The following ADIPOQ variants were observed in gnomAD, a reference collection of about 807,000 sequenced individuals.
ADIPOQ encodes the protein adiponectin, C1Q and collagen domain containing, also known as adiponectin.
In ADIPOQ, 19 loss-of-function variants were observed where a neutral mutation model predicts 16.1. That is an observed-to-expected ratio of 1.18 (90% CI 0.82 to 1.73). ADIPOQ has a LOEUF of 1.73. Among genes scored for constraint, ADIPOQ ranks in the 40% most tolerant of loss-of-function variants. ADIPOQ has a pLI of 0.00. For synonymous variants in ADIPOQ, 124 were observed against 125.5 expected, an observed-to-expected ratio of 0.99 and a Z score of 0.08; for missense variants, 323 against 308.3, an observed-to-expected ratio of 1.05 and a Z score of -0.36.
intron 1 of ADIPOQ, among the ~76,000 whole-genome samples, chr3:186,843,567 G>A (rs1469074638): frequency 6.6e-6 from 1 of 151,754 alleles, no homozygotes; most frequent in Non-Finnish European, 1.5e-5. Flanking sequence ...GGCTGAGGCA[G>A]GAGAATTGTC....
At chr3:186,845,656 G>A (rs1711558657) in intron 1 of ADIPOQ, 1 of 152,186 alleles carries the variant, frequency 6.6e-6, no homozygotes. Context: ...ACAGGCATGA[G>A]CCACTGCGCC....
chr3:186,847,188 C>T (rs904011040), intron 1 of ADIPOQ, among the ~76,000 whole-genome samples: 20 of 152,222 alleles, frequency 1.3e-4, no homozygotes, highest in African/African-American at 2.7e-4. Flanking sequence ...AACACTGAAA[C>T]GCATTACAGG....
intron 1 of ADIPOQ, among the ~76,000 whole-genome samples, chr3:186,843,594 A>G (rs1711506954): frequency 6.9e-6 from 1 of 145,516 alleles, no homozygotes; most frequent in African/African-American, 2.5e-5. Context: ...TGGGAGGCAG[A>G]GGTTGCAGTG....
At chr3:186,848,701 T>C (rs1175622212) in intron 1 of ADIPOQ, among the ~76,000 whole-genome samples, 1 of 152,238 alleles carries the variant, frequency 6.6e-6, no homozygotes, top group Non-Finnish European at 1.5e-5. Context: ...TCCTGAGACT[T>C]GGAGAGCGCA....
At chr3:186,852,885 G>T in intron 1 of ADIPOQ, 166 bp from the exon 2 acceptor site, 1 of 659,464 alleles carries the variant, frequency 1.5e-6, no homozygotes. Context: ...AAGAGATCAA[G>T]GTGGGCTGCA....
chr3:186,857,900 T>C lies in ADIPOQ; in HGVS notation c.*3196T>C, dbSNP rs201770561. 6.6e-6 allele frequency: 1 copy of C among 151,836 alleles called. No homozygotes were observed. Among genetic ancestry groups the C allele is most frequent in the Non-Finnish European group, 1.5e-5 (1 of 67,920 alleles). 9.4% of individuals were successfully genotyped at this position (151,836 alleles called of 1,614,324 possible). A position where few individuals can be genotyped will look rare whatever the true frequency, so the allele number is the denominator to read the frequency against. On this transcript the variant is annotated 3_prime_UTR_variant, in exon 3 of 3. Transcript: ENST00000320741. ...CATACGCACTCAACTTCCTTTTCTT[T>C]CTTCCTTCCTTTCTTTCTTCCTTCC...
In ADIPOQ at chr3:186,856,857, A is replaced by T. The variant is rs748701813; in HGVS notation, c.*2153A>T. 6.6e-6 allele frequency: 1 copy of T among 152,236 alleles called. No homozygotes were observed. The highest frequency in any genetic ancestry group is 1.5e-5 in the Non-Finnish European group (1 of 68,050). The allele number at this position is 152,236 out of a possible 1,614,324, so 9.4% of individuals were successfully genotyped here. On this transcript the variant is annotated 3_prime_UTR_variant, in exon 3 of 3. Transcript: ENST00000320741. ...ATGCAAACTACTGTAAGCAAGAAAA[A>T]TAAAGGAAAAATGGAAACATTTATT... is the stretch of plus-strand genomic sequence containing the variant.
At chr3:186,851,686 A>G (rs1560108409) in intron 1 of ADIPOQ, among the ~76,000 whole-genome samples, 1 of 149,916 alleles carries the variant, frequency 6.7e-6, no homozygotes, top group Non-Finnish European at 1.5e-5. Context: ...CTCTCTCATG[A>G]TTTCTTTTCC....
chr3:186,853,384 T>A, intron 2 of ADIPOQ, 112 bp downstream of exon 2: 2 of 1,374,028 alleles, frequency 1.5e-6, no homozygotes, highest in Non-Finnish European at 2.0e-6. Context: ...AAAGCTTTTT[T>A]ATGTTAACCA....
At chr3:186,844,545 G>A (rs2108487414) in intron 1 of ADIPOQ, among the ~76,000 whole-genome samples, 1 of 149,358 alleles carries the variant, frequency 6.7e-6, no homozygotes, top group South Asian at 2.1e-4. Flanking sequence ...CACAAGACTG[G>A]CTCCTTGTCT....
intron 1 of ADIPOQ, among the ~76,000 whole-genome samples, chr3:186,848,708 C>T (rs552176759): frequency 2.6e-5 from 4 of 152,172 alleles, no homozygotes; most frequent in South Asian, 4.1e-4. Flanking sequence ...ACTTGGAGAG[C>T]GCAAGATGCT....
intron 2 of ADIPOQ, 127 bp from the exon 3 acceptor site, chr3:186,854,057 T>G: frequency 1.0e-6 from 1 of 981,322 alleles, no homozygotes; most frequent in Non-Finnish European, 1.5e-6. Flanking sequence ...TGGGAGCTCT[T>G]ATTGGTTTCT....
chr3:186,843,412 C>A (rs141134215), intron 1 of ADIPOQ, among the ~76,000 whole-genome samples: 2,859 of 152,234 alleles, frequency 0.019, 46 homozygotes, highest in South Asian at 0.054. Flanking sequence ...GTAATCCCAG[C>A]AATTTGGGAG....
chr3:186,848,497 C>A (rs918350139), intron 1 of ADIPOQ, among the ~76,000 whole-genome samples: 2 of 152,190 alleles, frequency 1.3e-5, no homozygotes, highest in Non-Finnish European at 2.9e-5. Flanking sequence ...TCCATCGCAT[C>A]ACGGTGCCTC....
In ADIPOQ at chr3:186,857,641, G is replaced by A. The variant is rs73187705; in HGVS notation, c.*2937G>A. 2,329 of 152,222 alleles carry A rather than the reference G, an allele frequency of 0.015. 22 individuals are homozygous for A. Among genetic ancestry groups the A allele is most frequent in the Non-Finnish European group, 0.024 (1,632 of 68,020 alleles). 9.4% of individuals were successfully genotyped at this position (152,222 alleles called of 1,614,324 possible). On this transcript the variant is annotated 3_prime_UTR_variant, in exon 3 of 3. Transcript: ENST00000320741. ...CCAAAAGAGGCCTGAGAGAAACTGAGGTCAAGATTTCAGGATTAATGGTCC... is the reference window on the plus strand; with the variant it reads ...CCAAAAGAGGCCTGAGAGAAACTGAAGTCAAGATTTCAGGATTAATGGTCC...
At chr3:186,846,841 T>G (rs571942495) in intron 1 of ADIPOQ, among the ~76,000 whole-genome samples, 15 of 152,332 alleles carry the variant, frequency 9.8e-5, no homozygotes, top group Non-Finnish European at 1.6e-4. Context: ...AAGCCAGTGC[T>G]GGGATTACAG....
In ADIPOQ at chr3:186,854,434, T is replaced by A; in HGVS notation, c.465T>A (p.Pro155=). 6.2e-7 allele frequency: 1 copy of A among 1,614,252 alleles called. No individual in the cohort carries two copies. The change falls in exon 3 of 3, where the codon CCT becomes CCA. Residue 155 remains proline (P), a synonymous_variant. Coordinates refer to ENST00000320741, the MANE Select transcript of ADIPOQ (RefSeq NM_004797.4). ...GSTGKFHCNI[P]GLYYFAYHIT... ...CTGGTAAATTCCACTGCAACATTCC[T>A]GGGCTGTACTACTTTGCCTACCACA...
chr3:186,854,030 T>A, intron 2 of ADIPOQ, 154 bp from the exon 3 acceptor site: 1 of 732,642 alleles, frequency 1.4e-6, no homozygotes, highest in Non-Finnish European at 2.2e-6. Context: ...AAGGAGGAGG[T>A]AACACCTCTC....
At chr3:186,849,994 C>A (rs1281060060) in intron 1 of ADIPOQ, among the ~76,000 whole-genome samples, 1 of 152,138 alleles carries the variant, frequency 6.6e-6, no homozygotes, top group Admixed American at 6.6e-5. Context: ...AAGGACTGGG[C>A]GTGGTGGCTC....
Sources: gnomAD v4.1 joint callset for allele counts (sites outside exome capture counted in the v4.1 genomes callset) on GRCh38, gnomAD v4.1.1 for gene constraint, MANE v1.5 for transcripts, NCBI Gene and HGNC (gene_info 2026-07-23, HGNC 2026-07-21) for gene names.